TENT5A: variants seen among roughly 807,000 people sequenced by gnomAD.
TENT5A encodes the protein HBV X-transactivated gene 11 protein.
TENT5A carries 9 observed loss-of-function variants against 30.2 expected under a neutral mutation model. The ratio of observed to expected loss-of-function variants is 0.30; its 90% CI spans 0.18 to 0.52. TENT5A has a LOEUF of 0.52. TENT5A is among the 20% of genes least tolerant of loss of function. The pLI is 0.97. For synonymous variants in TENT5A, 264 were observed against 234.2 expected (o/e 1.13, Z -1.16); for missense variants, 411 against 566.1 (o/e 0.73, Z 2.78).
chr6:81,751,134 T>A (rs1266116183), intron 2 of TENT5A, among the ~76,000 whole-genome samples: 1 of 152,220 alleles, frequency 6.6e-6, no homozygotes. Context: ...GTCAGCTGAA[T>A]GCCGCTGTGA....
chr6:81,747,141 A>T lies in TENT5A; in HGVS notation c.*2554T>A. 1.0e-6 allele frequency: 1 copy of T among 985,314 alleles called. No individual in the cohort carries two copies. The highest frequency in any genetic ancestry group is 1.2e-6 in the Non-Finnish European group (1 of 829,896). 61.0% of individuals were successfully genotyped at this position (985,314 alleles called of 1,614,324 possible). On this transcript the variant is annotated 3_prime_UTR_variant, in exon 3 of 3. Coordinates refer to ENST00000320172, the MANE Select transcript of TENT5A (RefSeq NM_017633.3). ...TTATGGCAGAGTCAGAGACCTCCAG[A>T]CTCTTTAAAATAGTAGACGACTCAT...
chr6:81,749,640 T>G lies in TENT5A; in HGVS notation c.*55A>C, dbSNP rs1312387549. 1 of 1,488,384 alleles carries G rather than the reference T, an allele frequency of 6.7e-7. No homozygotes were observed. The highest frequency in any genetic ancestry group is 8.9e-7 in the Non-Finnish European group (1 of 1,121,224). The allele number at this position is 1,488,384 out of a possible 1,614,324, so 92.2% of individuals were successfully genotyped here. A position where few individuals can be genotyped will look rare whatever the true frequency, so the allele number is the denominator to read the frequency against. ...CTCTTTTTTTTTTCTTTTTTTTTTT[T>G]TTCTCTCCTGTCTTGTCTGAAATGG... On this transcript the variant is annotated 3_prime_UTR_variant, in exon 3 of 3. Transcript: ENST00000320172.
chr6:81,752,218 C>A, intron 1 of TENT5A, 40 bp from the exon 2 acceptor site: 1 of 1,254,722 alleles, frequency 8.0e-7, no homozygotes, highest in Admixed American at 3.1e-5. Flanking sequence ...GGACGCGCGG[C>A]GGCGGAGAGC....
chr6:81,749,230 A>G lies in TENT5A; in HGVS notation c.*465T>C, dbSNP rs1768974236. ...GAGTTCCCCTTTTTCCTGTATTGTTACTATTAATATCTGAACTCCTAAACT... is the reference window on the plus strand; with the variant it reads ...GAGTTCCCCTTTTTCCTGTATTGTTGCTATTAATATCTGAACTCCTAAACT... On this transcript the variant is annotated 3_prime_UTR_variant, in exon 3 of 3. Transcript: ENST00000320172. 1 of 986,946 alleles carries G rather than the reference A, an allele frequency of 1.0e-6. No individual in the cohort carries two copies. 61.1% of individuals were successfully genotyped at this position (986,946 alleles called of 1,614,324 possible).
Position 81,746,662 on chromosome 6 carries a change from A to G in TENT5A, c.*3033T>C. On this transcript the variant is annotated 3_prime_UTR_variant, in exon 3 of 3. Transcript: ENST00000320172. The stretch of plus-strand genomic sequence containing the variant: ...GGCTGGACAGGTGAGAAGAGCCTCC[A>G]AAAGACAAAACTTCTTCCTGGTTTA... The G allele has an allele frequency of 8.1e-7, 1 of 1,231,056 alleles. No homozygotes were observed. The highest frequency in any genetic ancestry group is 1.0e-6 in the Non-Finnish European group (1 of 987,336). 76.3% of individuals were successfully genotyped at this position (1,231,056 alleles called of 1,614,324 possible).
chr6:81,752,479 G>T lies in TENT5A; in HGVS notation c.-86C>A. On this transcript the variant is annotated 5_prime_UTR_variant, in exon 1 of 3. Coordinates refer to ENST00000320172, the MANE Select transcript of TENT5A (RefSeq NM_017633.3). ...GAGCGCAGCGAGCGAGAGCGAAACC[G>T]AGAGGCGGCAACACTTCCAGGAGCT... The T allele has an allele frequency of 6.5e-7, 1 of 1,541,160 alleles. No homozygotes were observed. Among genetic ancestry groups the T allele is most frequent in the South Asian group, 1.2e-5 (1 of 83,854 alleles).
rs772326033 is a variant in TENT5A, at chr6:81,752,091, G to A, written c.51C>T (p.Cys17=). 31 of 1,582,398 alleles carry A rather than the reference G, an allele frequency of 2.0e-5. No homozygotes were observed. The highest frequency in any genetic ancestry group is 2.5e-5 in the Non-Finnish European group (29 of 1,165,002). Residue 17 remains cysteine, a synonymous_variant, in exon 2 of 3, where the codon TGC becomes TGT. Transcript: ENST00000320172. ...YFAMSEDELA[C]SPYIPLGGDF... Reference sequence around the variant, plus strand: ...CGCCGCCTAGGGGGATGTAGGGGCTGCAGGCCAGCTCGTCCTCAGACATGG... The same window carrying A: ...CGCCGCCTAGGGGGATGTAGGGGCTACAGGCCAGCTCGTCCTCAGACATGG...
rs1470161630 is a variant in TENT5A at position 81,748,054 on chromosome 6, T to C, written c.*1641A>G. The C allele has an allele frequency of 1.1e-6, 1 of 947,692 alleles. No individual in the cohort carries two copies. Among genetic ancestry groups the C allele is most frequent in the Non-Finnish European group, 1.3e-6 (1 of 795,646 alleles). The allele number at this position is 947,692 out of a possible 1,614,324, so 58.7% of individuals were successfully genotyped here. A position where few individuals can be genotyped will look rare whatever the true frequency, so the allele number is the denominator to read the frequency against. ...TAAAATGTTATATATAATATATATC[T>C]CATATATAAATTTTAAGCAATTGTG... On this transcript the variant is annotated 3_prime_UTR_variant, in exon 3 of 3. Coordinates refer to ENST00000320172, the MANE Select transcript of TENT5A (RefSeq NM_017633.3).
rs1268706980 is a variant in TENT5A at position 81,747,055 on chromosome 6, G to A, written c.*2640C>T. The A allele has an allele frequency of 3.1e-6, 3 of 982,790 alleles. No individual in the cohort carries two copies. The highest frequency in any genetic ancestry group is 3.6e-6 in the Non-Finnish European group (3 of 827,716). The allele number at this position is 982,790 out of a possible 1,614,324, so 60.9% of individuals were successfully genotyped here. A position where few individuals can be genotyped will look rare whatever the true frequency, so the allele number is the denominator to read the frequency against. ...AATATTTAAGAAAATAAATCAAAGT[G>A]TATTTCAAATAAGGCTCTTCCAAAC... is the stretch of plus-strand genomic sequence containing the variant. On this transcript the variant is annotated 3_prime_UTR_variant, in exon 3 of 3. Coordinates refer to ENST00000320172, the MANE Select transcript of TENT5A (RefSeq NM_017633.3).
chr6:81,751,586 T>G lies in TENT5A; in HGVS notation c.552+4A>C, dbSNP rs780995645. ...GGACCCAAGTGCATCTCGGGTGGTG[T>G]TACCTTGAGCGTGAGTGGTGTGATC... is the stretch of plus-strand genomic sequence containing the variant. On this transcript the variant is annotated splice_donor_region_variant and intron_variant, in intron 2 of 2. Transcript: ENST00000320172. 245 of 1,599,026 alleles carry G rather than the reference T, an allele frequency of 1.5e-4. No homozygotes were observed. Among genetic ancestry groups the G allele is most frequent in the Non-Finnish European group, 2.0e-4 (236 of 1,172,110 alleles).
rs1028777015 is a variant in TENT5A, at chr6:81,749,569, G to A, written c.*126C>T. The A allele has an allele frequency of 1.4e-6, 2 of 1,427,272 alleles. No individual in the cohort carries two copies. Among genetic ancestry groups the A allele is most frequent in the African/African-American group, 1.4e-5 (1 of 69,166 alleles). 88.4% of individuals were successfully genotyped at this position (1,427,272 alleles called of 1,614,324 possible). ...AGCTTTGCCAAACTTAAAACCAGGA[G>A]CATATCATCATTGCACAAAACACAT... is the stretch of plus-strand genomic sequence containing the variant. On this transcript the variant is annotated 3_prime_UTR_variant, in exon 3 of 3. Coordinates refer to ENST00000320172, the MANE Select transcript of TENT5A (RefSeq NM_017633.3).
rs1396438711 is a variant in TENT5A at position 81,750,989 on chromosome 6, C to A, written c.553-518G>T. ...AAACTAAATTATGACATTCCAGGAG[C>A]CTGCCTCCTCAGACAATTTTAACTA... is the stretch of plus-strand genomic sequence containing the variant. On this transcript the variant is annotated intron_variant, in intron 2 of 2. Transcript: ENST00000320172. The surrounding 1 kb of genome is among the most constrained non-coding windows in gnomAD (Gnocchi z 4.2). Among the ~76,000 whole-genome samples, 1 of 152,210 alleles carries A rather than the reference C, an allele frequency of 6.6e-6. No individual in the cohort carries two copies. Among genetic ancestry groups the A allele is most frequent in the Non-Finnish European group, 1.5e-5 (1 of 68,042 alleles).
chr6:81,746,881 T>G lies in TENT5A; in HGVS notation c.*2814A>C. The stretch of plus-strand genomic sequence containing the variant: ...GTTCAACTACATATGCACAAGACTA[T>G]AGTACACACAAAATAGAAATAAATT... On this transcript the variant is annotated 3_prime_UTR_variant, in exon 3 of 3. Transcript: ENST00000320172. 1 of 1,086,554 alleles carries G rather than the reference T, an allele frequency of 9.2e-7. No individual in the cohort carries two copies. The highest frequency in any genetic ancestry group is 1.1e-6 in the Non-Finnish European group (1 of 896,196). 67.3% of individuals were successfully genotyped at this position (1,086,554 alleles called of 1,614,324 possible).
chr6:81,751,520 C>T lies in TENT5A; in HGVS notation c.552+70G>A, dbSNP rs149537489. On this transcript the variant is annotated intron_variant, in intron 2 of 2. Transcript: ENST00000320172. ...AGATTCATGGCATTTAACCGATGCC[C>T]CTCTGCCCGCTCCCCGTCACACCCG... is the stretch of plus-strand genomic sequence containing the variant. 1,512 of 1,384,938 alleles carry T rather than the reference C, an allele frequency of 1.1e-3. 18 individuals are homozygous for T. The East Asian group carries it at 0.03, about 28-fold the overall frequency. The allele number at this position is 1,384,938 out of a possible 1,614,324, so 85.8% of individuals were successfully genotyped here.
At position 81,749,821 on chromosome 6, in the gene TENT5A, G is replaced by C. The variant is rs534392403; in HGVS notation, c.1203C>G (p.Val401=). ...AGGGGGCTGGCTGGTAATAGCAAGT[G>C]ACATTAGCCACATTAGGAATGACAT... ...DQNVIPNVAN[V]TCYYQPAPYV... The change falls in exon 3 of 3, where the codon GTC becomes GTG. Residue 401 remains valine, a synonymous_variant. Coordinates refer to ENST00000320172, the MANE Select transcript of TENT5A (RefSeq NM_017633.3). 9 of 1,614,062 alleles carry C rather than the reference G, an allele frequency of 5.6e-6. No individual in the cohort carries two copies. In the East Asian group the frequency reaches 2.0e-4, roughly 36 times the overall value.
rs773543404 is a variant in TENT5A, at chr6:81,750,220, G to A, written c.804C>T (p.Phe268=). ...TACAAAGGTGATCAAAGGCTTCCTG[G>A]AAATCGCCATAGACGCTCTCCCCGA... ...TIIGESVYGD[F]QEAFDHLCNK... The change falls in exon 3 of 3, where the codon TTC becomes TTT. Residue 268 remains phenylalanine (F), a synonymous_variant. Transcript: ENST00000320172. The surrounding 1 kb of genome is among the most constrained non-coding windows in gnomAD (Gnocchi z 4.2). 6 of 1,614,178 alleles carry A rather than the reference G, an allele frequency of 3.7e-6. No individual in the cohort carries two copies. The South Asian group carries it at 6.6e-5, about 18-fold the overall frequency.
At position 81,752,547 on chromosome 6, in the gene TENT5A, G is replaced by C; in HGVS notation, c.-154C>G. 9.1e-7 allele frequency: 1 copy of C among 1,098,606 alleles called. No homozygotes were observed. The highest frequency in any genetic ancestry group is 2.0e-5 in the Admixed American group (1 of 50,432). 68.1% of individuals were successfully genotyped at this position (1,098,606 alleles called of 1,614,324 possible). ...GCAAATAGCGACTTCGTCTTTCCCA[G>C]ACCCCTGCCGCCTGCGCTCACCACT... is the stretch of plus-strand genomic sequence containing the variant. On this transcript the variant is annotated 5_prime_UTR_variant, in exon 1 of 3. Coordinates refer to ENST00000320172, the MANE Select transcript of TENT5A (RefSeq NM_017633.3).
intron 2 of TENT5A, 73 bp downstream of exon 2, chr6:81,751,517 G>T: frequency 7.5e-7 from 1 of 1,331,482 alleles, no homozygotes. Context: ...TTTAACCGAT[G>T]CCCCTCTGCC....
In TENT5A at chr6:81,746,106, A is replaced by G. The variant is rs528648952; in HGVS notation, c.*3589T>C. 3 of 981,256 alleles carry G rather than the reference A, an allele frequency of 3.1e-6. No homozygotes were observed. In the Admixed American group the frequency reaches 1.8e-4, roughly 60 times the overall value. 60.8% of individuals were successfully genotyped at this position (981,256 alleles called of 1,614,324 possible). On this transcript the variant is annotated 3_prime_UTR_variant, in exon 3 of 3. Transcript: ENST00000320172. ...AGCCATTATTTTAACAAAATATAAC[A>G]TAGAGATTCTTTCTTAGCACTGAAA...
Sources: allele counts gnomAD v4.1 joint callset (sites outside exome capture counted in the v4.1 genomes callset), GRCh38; gene constraint gnomAD v4.1.1; non-coding constraint Gnocchi (gnomAD v3.1); transcripts MANE v1.5; gene names NCBI Gene and HGNC (gene_info 2026-07-23, HGNC 2026-07-21).